PTTG1IP2: variants seen among roughly 807,000 people sequenced by gnomAD.
PTTG1IP2 encodes the protein PTTG1IP family member 2.
intron 6 of PTTG1IP2, among the ~76,000 whole-genome samples, chr7:90,496,900 T>C (rs1193268642): frequency 6.6e-6 from 1 of 152,374 alleles, no homozygotes; most frequent in East Asian, 1.9e-4. Flanking sequence ...AATTTTCATT[T>C]GTCTCAATAT....
chr7:90,477,489 T>C (rs1797761354), intron 1 of PTTG1IP2, among the ~76,000 whole-genome samples: 1 of 152,210 alleles, frequency 6.6e-6, no homozygotes, highest in Non-Finnish European at 1.5e-5. Flanking sequence ...TAGCCAAAAC[T>C]CTTTTTCCAT....
chr7:90,511,614 C>T (rs938550509), intron 6 of PTTG1IP2, among the ~76,000 whole-genome samples: 2 of 152,082 alleles, frequency 1.3e-5, no homozygotes, highest in African/African-American at 4.8e-5. Flanking sequence ...TTTCCACTGC[C>T]ATCTCCAAAC....
At chr7:90,474,150 C>A (rs1056558165) in intron 1 of PTTG1IP2, among the ~76,000 whole-genome samples, 2 of 152,120 alleles carry the variant, frequency 1.3e-5, no homozygotes, top group African/African-American at 4.8e-5. Flanking sequence ...GGCTACAAAC[C>A]TATGCAGCAT....
At chr7:90,484,802 A>G (rs1469139032) in intron 2 of PTTG1IP2, among the ~76,000 whole-genome samples, 3 of 152,200 alleles carry the variant, frequency 2.0e-5, no homozygotes, top group Admixed American at 6.5e-5. Flanking sequence ...ACTGAACCAA[A>G]GGATGTCTTT....
At chr7:90,509,925 A>G (rs1798166419) in intron 6 of PTTG1IP2, among the ~76,000 whole-genome samples, 1 of 152,224 alleles carries the variant, frequency 6.6e-6, no homozygotes, top group Non-Finnish European at 1.5e-5. Context: ...AGGTACTAAG[A>G]CGCACTTCAC....
At chr7:90,502,953 CT>C (rs984836828) in intron 6 of PTTG1IP2, among the ~76,000 whole-genome samples, 2 of 152,178 alleles carry the variant, frequency 1.3e-5, no homozygotes, top group African/African-American at 4.8e-5. Flanking sequence ...CAGGCATTGA[CT>C]TTTTCCTTTC....
At chr7:90,493,078 A>G (rs1427875155) in intron 5 of PTTG1IP2, among the ~76,000 whole-genome samples, 1 of 152,182 alleles carries the variant, frequency 6.6e-6, no homozygotes, top group East Asian at 1.9e-4. Context: ...ATTTTACATC[A>G]TGATAATATG....
intron 6 of PTTG1IP2, among the ~76,000 whole-genome samples, chr7:90,506,966 G>T (rs1478603440): frequency 6.6e-6 from 1 of 152,022 alleles, no homozygotes; most frequent in Non-Finnish European, 1.5e-5. Context: ...TTAATGGTCT[G>T]GTGAAATTAA....
chr7:90,483,169 G>A (rs1324456378), intron 2 of PTTG1IP2, among the ~76,000 whole-genome samples: 3 of 152,044 alleles, frequency 2.0e-5, no homozygotes, highest in Non-Finnish European at 4.4e-5. Flanking sequence ...ATAAATATAT[G>A]GACAACCAGT....
intron 6 of PTTG1IP2, among the ~76,000 whole-genome samples, chr7:90,508,851 A>C (rs193285789): frequency 1.3e-5 from 2 of 152,326 alleles, no homozygotes; most frequent in East Asian, 1.9e-4. Context: ...TATGTGGACT[A>C]TGCTTCCACA....
At chr7:90,483,575 G>A (rs1797837529) in intron 2 of PTTG1IP2, among the ~76,000 whole-genome samples, 2 of 152,154 alleles carry the variant, frequency 1.3e-5, no homozygotes, top group Non-Finnish European at 2.9e-5. Context: ...CTTTCTAGAA[G>A]CTGAAGTACT....
chr7:90,477,597 C>T (rs1414401718), intron 1 of PTTG1IP2, among the ~76,000 whole-genome samples: 5 of 152,146 alleles, frequency 3.3e-5, no homozygotes, highest in Non-Finnish European at 7.3e-5. Context: ...CTGTCAAGGT[C>T]ATGAAAGCAA....
intron 2 of PTTG1IP2, among the ~76,000 whole-genome samples, chr7:90,483,046 G>A (rs1166784553): frequency 6.6e-6 from 1 of 152,138 alleles, no homozygotes; most frequent in East Asian, 1.9e-4. Flanking sequence ...GAAAAATTGT[G>A]TGTGTGTGTG....
intron 2 of PTTG1IP2, among the ~76,000 whole-genome samples, chr7:90,482,191 AGATGGTAACTCAT>A (rs1194646977): frequency 1.3e-5 from 2 of 152,144 alleles, no homozygotes; most frequent in Admixed American, 1.3e-4. Context: ...AGAGTTTATA[AGATGGTAACTCAT>A]GAAGCAACCG....
intron 6 of PTTG1IP2, among the ~76,000 whole-genome samples, chr7:90,508,263 CAAAAA>C (rs5885728): frequency 2.6e-5 from 2 of 76,928 alleles, no homozygotes. Flanking sequence ...GAACTCGTCT[CAAAAA>C]AAAAAAAAAA....
At chr7:90,488,731 A>T (rs183885997) in intron 3 of PTTG1IP2, 140 bp from the exon 4 acceptor site, 12 of 152,200 alleles carry the variant, frequency 7.9e-5, no homozygotes, top group African/African-American at 2.2e-4. Flanking sequence ...TTATTGGAAT[A>T]TGTAATGTAT....
chr7:90,482,710 A>G (rs1460967127), intron 2 of PTTG1IP2, among the ~76,000 whole-genome samples: 2 of 152,136 alleles, frequency 1.3e-5, no homozygotes, highest in East Asian at 1.9e-4. Context: ...TGTCACAATG[A>G]TAAGACTTGT....
At chr7:90,490,146 G>A (rs1239191030) in intron 4 of PTTG1IP2, among the ~76,000 whole-genome samples, 5 of 151,896 alleles carry the variant, frequency 3.3e-5, no homozygotes, top group African/African-American at 9.7e-5. Context: ...TCTTTTTAGG[G>A]TTGATTTTTT....
At chr7:90,507,444 A>G (rs1283071003) in intron 6 of PTTG1IP2, among the ~76,000 whole-genome samples, 1 of 152,266 alleles carries the variant, frequency 6.6e-6, no homozygotes, top group East Asian at 1.9e-4. Context: ...CTGAGACTTG[A>G]TTACCTCATC....
Sources: allele counts gnomAD v4.1 joint callset (sites outside exome capture counted in the v4.1 genomes callset), GRCh38; gene constraint gnomAD v4.1.1; transcripts MANE v1.5; gene names NCBI Gene and HGNC (gene_info 2026-07-23, HGNC 2026-07-21).